The following PDE11A variants were observed in gnomAD, a reference collection of about 807,000 sequenced individuals.
The protein encoded by PDE11A is dual 3',5'-cyclic-AMP and -GMP phosphodiesterase 11A.
Under a neutral mutation model 100.5 loss-of-function variants are expected in PDE11A, and 100 were observed. The ratio of observed to expected loss-of-function variants is 1.00; its 90% CI spans 0.85 to 1.18. The LOEUF is 1.18. Among genes scored for constraint, PDE11A ranks in the 50% most tolerant of loss-of-function variants. The pLI is 0.00. For synonymous variants in PDE11A, 381 were observed against 420.8 expected (o/e 0.91, Z 1.16); for missense variants, 1,141 against 1,152.6 (o/e 0.99, Z 0.15).
Position 177,666,984 on chromosome 2 carries a change from C to G in PDE11A, c.2562+2509G>C, listed in dbSNP as rs369163862. Reference sequence around the variant, plus strand: ...CTGGGCTGGAGTGCAGTGGCACAACCTGGGCTCACTGCAACCTCTGCCTCC... The same window carrying G: ...CTGGGCTGGAGTGCAGTGGCACAACGTGGGCTCACTGCAACCTCTGCCTCC... On this transcript the variant is annotated intron_variant, in intron 18 of 19. Transcript: ENST00000286063. Among the ~76,000 whole-genome samples, 115 of 151,512 alleles carry G rather than the reference C, an allele frequency of 7.6e-4. 2 individuals are homozygous for G. Among genetic ancestry groups the G allele is most frequent in the African/African-American group, 2.7e-3 (113 of 41,330 alleles).
intron 18 of PDE11A, among the ~76,000 whole-genome samples, chr2:177,669,243 T>C (rs2080635886): frequency 6.6e-6 from 1 of 152,184 alleles, no homozygotes; most frequent in Admixed American, 6.6e-5. Context: ...TCCACTTTGC[T>C]CATCCTCCCT....
chr2:177,851,495 CT>C (rs2083704753), intron 5 of PDE11A, among the ~76,000 whole-genome samples: 2 of 152,076 alleles, frequency 1.3e-5, no homozygotes, highest in African/African-American at 4.8e-5. Flanking sequence ...TGTAACAAAC[CT>C]GCACGTTGTG....
At chr2:177,709,832 G>A (rs961365596) in intron 13 of PDE11A, among the ~76,000 whole-genome samples, 8 of 152,096 alleles carry the variant, frequency 5.3e-5, no homozygotes, top group Non-Finnish European at 8.8e-5. Context: ...GAAGGACAAC[G>A]AAAAGGTCCG....
intron 5 of PDE11A, among the ~76,000 whole-genome samples, chr2:177,842,108 C>T (rs1251030209): frequency 6.6e-6 from 1 of 152,196 alleles, no homozygotes; most frequent in East Asian, 1.9e-4. Context: ...ATTGGCTTGC[C>T]AGTTCATTCT....
At chr2:177,672,664 T>C (rs2080700847) in intron 17 of PDE11A, among the ~76,000 whole-genome samples, 1 of 152,162 alleles carries the variant, frequency 6.6e-6, no homozygotes. Context: ...GTTAGTAGCA[T>C]GTGATGATTG....
chr2:177,909,975 C>A (rs1355301223), intron 2 of PDE11A, among the ~76,000 whole-genome samples: 1 of 152,182 alleles, frequency 6.6e-6, no homozygotes, highest in Non-Finnish European at 1.5e-5. Context: ...GCCTTTGTCT[C>A]CGGTTTCTTT....
chr2:177,854,177 C>T (rs2083787329), intron 5 of PDE11A, among the ~76,000 whole-genome samples: 1 of 151,890 alleles, frequency 6.6e-6, no homozygotes, highest in South Asian at 2.1e-4. Flanking sequence ...GATCTCAGTA[C>T]TTATTCACAT....
intron 2 of PDE11A, among the ~76,000 whole-genome samples, chr2:178,013,115 A>G (rs891405340): frequency 3.7e-4 from 57 of 152,170 alleles, no homozygotes; most frequent in African/African-American, 1.3e-3. Flanking sequence ...TCTTCCAGGA[A>G]GCCTTTTCAG....
In PDE11A at chr2:177,770,732, T is replaced by C. The variant is rs11898579; in HGVS notation, c.1738-1359A>G. Among the ~76,000 whole-genome samples the C allele has an allele frequency of 6.0e-3, 911 of 152,314 alleles. 12 individuals carry two copies. Among genetic ancestry groups the C allele is most frequent in the African/African-American group, 0.02 (842 of 41,576 alleles). On this transcript the variant is annotated intron_variant, in intron 9 of 19. Transcript: ENST00000286063. ...GTTGTGTGAGACAAATAAATGCACA[T>C]TGGTGGCATTTTATAAGGCATATTT... is the stretch of plus-strand genomic sequence containing the variant.
chr2:177,872,835 G>A (rs1035401684), intron 5 of PDE11A, among the ~76,000 whole-genome samples: 31 of 152,150 alleles, frequency 2.0e-4, no homozygotes, highest in African/African-American at 6.3e-4. Flanking sequence ...GGAGTCACTT[G>A]TCTTGGTTCC....
chr2:177,864,139 A>T (rs961952100), intron 5 of PDE11A, among the ~76,000 whole-genome samples: 7 of 152,196 alleles, frequency 4.6e-5, no homozygotes, highest in African/African-American at 1.7e-4. Context: ...TATATGTGGA[A>T]TCTGAAAAAA....
chr2:177,658,483 CCT>C (rs1384266112), intron 19 of PDE11A, among the ~76,000 whole-genome samples: 2 of 151,376 alleles, frequency 1.3e-5, no homozygotes, highest in Admixed American at 6.6e-5. Flanking sequence ...CCTCCCTTCC[CCT>C]CTCCTCTCCT....
chr2:178,081,809 A>C (rs1418963753), intron 2 of PDE11A, among the ~76,000 whole-genome samples: 1 of 152,254 alleles, frequency 6.6e-6, no homozygotes, highest in African/African-American at 2.4e-5. Context: ...AAAAATTATT[A>C]AAAGTTATCA....
chr2:178,082,683 C>T (rs1164097725), intron 2 of PDE11A, among the ~76,000 whole-genome samples: 1 of 152,110 alleles, frequency 6.6e-6, no homozygotes, highest in African/African-American at 2.4e-5. Flanking sequence ...GTGGGGCCCA[C>T]GTACAAAAAA....
chr2:177,998,684 T>C (rs2086107222), intron 2 of PDE11A: 2 of 1,183,612 alleles, frequency 1.7e-6, no homozygotes, highest in South Asian at 2.5e-5. Flanking sequence ...CCAGTATCAC[T>C]TGATAGGCAT....
chr2:177,872,313 T>C (rs1360530224), intron 5 of PDE11A, among the ~76,000 whole-genome samples: 4 of 152,126 alleles, frequency 2.6e-5, no homozygotes, highest in Non-Finnish European at 5.9e-5. Flanking sequence ...ATGCAAGAAG[T>C]CTATCATGAC....
chr2:177,956,319 T>C (rs2085562252), intron 2 of PDE11A, among the ~76,000 whole-genome samples: 1 of 152,134 alleles, frequency 6.6e-6, no homozygotes, highest in African/African-American at 2.4e-5. Context: ...ATGCTCATCA[T>C]CACTGGCCAT....
chr2:177,716,615 G>A (rs910488433), intron 12 of PDE11A, among the ~76,000 whole-genome samples: 5 of 152,130 alleles, frequency 3.3e-5, no homozygotes, highest in Admixed American at 6.5e-5. Context: ...GTTGAGTTTG[G>A]TCTTGCTAAT....
At chr2:177,965,735 C>T (rs1475765024) in intron 2 of PDE11A, among the ~76,000 whole-genome samples, 1 of 152,136 alleles carries the variant, frequency 6.6e-6, no homozygotes, top group Non-Finnish European at 1.5e-5. Context: ...ATTTTTGTAT[C>T]AGTACCATGC....
Sources: allele counts gnomAD v4.1 joint callset (sites outside exome capture counted in the v4.1 genomes callset), GRCh38; gene constraint gnomAD v4.1.1; transcripts MANE v1.5; gene names NCBI Gene and HGNC (gene_info 2026-07-23, HGNC 2026-07-21).